Variants in ASIC2 observed in about 807,000 individuals in gnomAD.
The protein encoded by ASIC2 is acid sensing ion channel subunit 2.
A neutral mutation model predicts 57.3 loss-of-function variants in ASIC2; 25 were observed. The ratio of observed to expected loss-of-function variants is 0.44; its 90% CI spans 0.32 to 0.61. The LOEUF (loss-of-function observed/expected upper bound fraction) is 0.61, where lower values mean the gene tolerates loss of function less well. Among genes scored for constraint, ASIC2 ranks in the 20% least tolerant of loss-of-function variants. The pLI, the probability that ASIC2 is intolerant of heterozygous loss-of-function variation, is 0.06. For synonymous variants in ASIC2, 319 were observed against 307.5 expected (o/e 1.04, Z -0.39); for missense variants, 641 against 738.1 (o/e 0.87, Z 1.52).
chr17:33,027,979 A>G (rs1230948805), intron 4 of ASIC2, among the ~76,000 whole-genome samples: 1 of 152,246 alleles, frequency 6.6e-6, no homozygotes, highest in Non-Finnish European at 1.5e-5. Flanking sequence ...AGGTAAGAAC[A>G]GCAGACAACT....
intron 1 of ASIC2, among the ~76,000 whole-genome samples, chr17:33,833,690 T>G (rs1433321635): frequency 6.6e-6 from 1 of 152,228 alleles, no homozygotes; most frequent in Non-Finnish European, 1.5e-5. Flanking sequence ...TCTTGGCCTC[T>G]TCTTTCTGAG....
At chr17:33,873,594 G>T (rs1357008206) in intron 1 of ASIC2, among the ~76,000 whole-genome samples, 1 of 152,148 alleles carries the variant, frequency 6.6e-6, no homozygotes, top group Non-Finnish European at 1.5e-5. Context: ...ATCCTTATCT[G>T]TAAAAATTGG....
chr17:33,032,114 T>A (rs1055509875), intron 3 of ASIC2, among the ~76,000 whole-genome samples: 2 of 152,216 alleles, frequency 1.3e-5, no homozygotes, highest in South Asian at 2.1e-4. Context: ...TTAATGCAAT[T>A]TTTGATATAG....
chr17:34,095,976 G>C (rs1910533558), intron 1 of ASIC2, among the ~76,000 whole-genome samples: 1 of 151,962 alleles, frequency 6.6e-6, no homozygotes, highest in South Asian at 2.1e-4. Flanking sequence ...CTAAAGCTCA[G>C]AAAAAGTAGA....
At chr17:33,418,024 ATGTATGTGTGTGTGTGTGTGTG>A (rs1474749913) in intron 1 of ASIC2, among the ~76,000 whole-genome samples, 15,152 of 110,302 alleles carry the variant, frequency 0.14, 896 homozygotes, top group Middle Eastern at 0.19. Flanking sequence ...CTCAGCATGT[ATGTATGTGTGTGTGTGTGTGTG>A]TGTGTGTGTG....
At chr17:33,165,547 G>T (rs7212997) in intron 1 of ASIC2, among the ~76,000 whole-genome samples, 40,057 of 151,808 alleles carry the variant, frequency 0.26, 5,891 homozygotes, top group African/African-American at 0.39. Context: ...TTGTTGAGAG[G>T]GGGTTTGTTA....
chr17:34,054,688 G>T (rs1908699309), intron 1 of ASIC2, among the ~76,000 whole-genome samples: 1 of 152,158 alleles, frequency 6.6e-6, no homozygotes, highest in Non-Finnish European at 1.5e-5. Flanking sequence ...GCTGACCATG[G>T]TGCTAGTCAG....
At chr17:34,126,100 T>C (rs1419247026) in intron 1 of ASIC2, among the ~76,000 whole-genome samples, 1 of 152,102 alleles carries the variant, frequency 6.6e-6, no homozygotes, top group African/African-American at 2.4e-5. Flanking sequence ...CCTCCCCTCA[T>C]CTCATGGCAA....
At chr17:33,720,281 T>A (rs1340615019) in intron 1 of ASIC2, among the ~76,000 whole-genome samples, 1 of 152,186 alleles carries the variant, frequency 6.6e-6, no homozygotes, top group Non-Finnish European at 1.5e-5. Flanking sequence ...GAAGCAGAAT[T>A]AAGAAGGCAG....
intron 1 of ASIC2, among the ~76,000 whole-genome samples, chr17:33,222,728 T>A (rs963476235): frequency 5.3e-5 from 8 of 152,252 alleles, no homozygotes; most frequent in African/African-American, 1.9e-4. Context: ...TGGGGATTTG[T>A]AATCTAGTCA....
chr17:33,452,211 G>C (rs1912276768), intron 1 of ASIC2, among the ~76,000 whole-genome samples: 1 of 152,224 alleles, frequency 6.6e-6, no homozygotes, highest in Admixed American at 6.5e-5. Flanking sequence ...GAGACTAAAG[G>C]AAGGAACCTA....
chr17:33,969,102 A>G (rs536387614), intron 1 of ASIC2, among the ~76,000 whole-genome samples: 2 of 152,004 alleles, frequency 1.3e-5, no homozygotes, highest in East Asian at 3.9e-4. Context: ...CTGTATTTGC[A>G]TAAGACTCTC....
intron 1 of ASIC2, among the ~76,000 whole-genome samples, chr17:33,841,989 C>G: frequency 6.6e-6 from 1 of 151,978 alleles, no homozygotes; most frequent in Non-Finnish European, 1.5e-5. Flanking sequence ...TATGTACGGT[C>G]CAGTGGCGGA....
chr17:33,786,180 A>T (rs1205421110), intron 1 of ASIC2, among the ~76,000 whole-genome samples: 1 of 152,156 alleles, frequency 6.6e-6, no homozygotes, highest in Non-Finnish European at 1.5e-5. Context: ...AACTTGTTTG[A>T]CTAACTGGCA....
intron 1 of ASIC2, among the ~76,000 whole-genome samples, chr17:33,392,847 T>G (rs999359971): frequency 6.6e-6 from 1 of 152,180 alleles, no homozygotes; most frequent in African/African-American, 2.4e-5. Context: ...GCAGAGACCA[T>G]AAATGTTCAC....
chr17:34,039,857 G>A, intron 1 of ASIC2: 1 of 1,605,372 alleles, frequency 6.2e-7, no homozygotes, highest in Middle Eastern at 1.8e-4. Context: ...TCCAGGCTAT[G>A]CAATTCTTCC....
At chr17:33,965,169 C>G (rs546149346) in intron 1 of ASIC2, among the ~76,000 whole-genome samples, 56 of 152,290 alleles carry the variant, frequency 3.7e-4, no homozygotes, top group African/African-American at 1.3e-3. Flanking sequence ...CATGTACTAG[C>G]TAATGGGAAA....
chr17:33,406,904 G>A (rs1042863663), intron 1 of ASIC2, among the ~76,000 whole-genome samples: 2 of 152,168 alleles, frequency 1.3e-5, no homozygotes, highest in African/African-American at 4.8e-5. Context: ...ATAGACTAAT[G>A]TTTTGGCCTT....
intron 1 of ASIC2, among the ~76,000 whole-genome samples, chr17:33,709,290 G>A (rs926106202): frequency 1.3e-5 from 2 of 152,186 alleles, no homozygotes; most frequent in Non-Finnish European, 1.5e-5. Context: ...TCCTCCCACA[G>A]AAGATATCCA....
Sources: allele counts gnomAD v4.1 joint callset (sites outside exome capture counted in the v4.1 genomes callset), GRCh38; gene constraint gnomAD v4.1.1; transcripts MANE v1.5; gene names NCBI Gene and HGNC (gene_info 2026-07-23, HGNC 2026-07-21).